ATP8B4: variants seen among roughly 807,000 people sequenced by gnomAD.
ATP8B4 encodes probable phospholipid-transporting ATPase IM.
A neutral mutation model predicts 145.6 loss-of-function variants in ATP8B4; 133 were observed. The observed-to-expected ratio is 0.91, with a 90% CI of 0.79 to 1.05. ATP8B4 has a LOEUF of 1.05. Among genes scored for constraint, ATP8B4 ranks in the 50% least tolerant of loss-of-function variants. The pLI, the probability that ATP8B4 is intolerant of heterozygous loss-of-function variation, is 0.00. For missense variants in ATP8B4, 1,458 were observed against 1,425.2 expected (o/e 1.02, Z -0.37); for synonymous variants, 507 against 492.9 (o/e 1.03, Z -0.38).
At chr15:50,001,536 A>G (rs1179723193) in intron 8 of ATP8B4, among the ~76,000 whole-genome samples, 2 of 152,228 alleles carry the variant, frequency 1.3e-5, no homozygotes, top group Non-Finnish European at 2.9e-5. Context: ...ACAATAGGGC[A>G]TAATTACATA....
At chr15:50,107,478 T>G (rs1411999222) in intron 1 of ATP8B4, among the ~76,000 whole-genome samples, 1 of 152,218 alleles carries the variant, frequency 6.6e-6, no homozygotes, top group Non-Finnish European at 1.5e-5. Context: ...TTTATTCTCA[T>G]GAACGTAGTC....
chr15:50,103,828 A>G (rs1231529092), intron 2 of ATP8B4, among the ~76,000 whole-genome samples: 2 of 152,200 alleles, frequency 1.3e-5, no homozygotes, highest in Non-Finnish European at 2.9e-5. Context: ...CCGACTTCAA[A>G]CTATACTATA....
chr15:50,133,941 C>T (rs951883717), intron 1 of ATP8B4, among the ~76,000 whole-genome samples: 1 of 151,962 alleles, frequency 6.6e-6, no homozygotes, highest in African/African-American at 2.4e-5. Flanking sequence ...TTAAGACCAG[C>T]CTGGGCACCA....
At chr15:50,089,319 A>C (rs1443705719) in intron 2 of ATP8B4, among the ~76,000 whole-genome samples, 1 of 152,210 alleles carries the variant, frequency 6.6e-6, no homozygotes, top group Non-Finnish European at 1.5e-5. Flanking sequence ...AGCAAAATAA[A>C]CTATCATCAG....
chr15:50,092,344 A>G (rs893053247), intron 2 of ATP8B4, among the ~76,000 whole-genome samples: 2 of 152,150 alleles, frequency 1.3e-5, no homozygotes, highest in African/African-American at 4.8e-5. Context: ...TACAATATCT[A>G]GCGTTCAATA....
intron 2 of ATP8B4, among the ~76,000 whole-genome samples, chr15:50,078,715 T>G (rs1275382544): frequency 6.6e-6 from 1 of 151,938 alleles, no homozygotes; most frequent in Non-Finnish European, 1.5e-5. Flanking sequence ...CTTCATAAAA[T>G]TTTGAGCTCC....
At chr15:50,112,397 G>A in intron 1 of ATP8B4, among the ~76,000 whole-genome samples, 1 of 152,058 alleles carries the variant, frequency 6.6e-6, no homozygotes, top group Non-Finnish European at 1.5e-5. Context: ...GGGTGTGGGT[G>A]CTCTCCAGTT....
At chr15:50,127,614 T>A (rs770260820) in intron 1 of ATP8B4, among the ~76,000 whole-genome samples, 1 of 152,224 alleles carries the variant, frequency 6.6e-6, no homozygotes, top group Non-Finnish European at 1.5e-5. Context: ...TCTCTGAGGA[T>A]AGCAACCTAG....
At chr15:50,026,326 A>G (rs1002138529) in intron 6 of ATP8B4, among the ~76,000 whole-genome samples, 6 of 152,286 alleles carry the variant, frequency 3.9e-5, no homozygotes, top group African/African-American at 1.4e-4. Context: ...CTCAAACTTC[A>G]ATGTACATGA....
intron 2 of ATP8B4, among the ~76,000 whole-genome samples, chr15:50,090,261 G>A (rs1166820820): frequency 1.3e-5 from 2 of 152,136 alleles, no homozygotes; most frequent in African/African-American, 2.4e-5. Context: ...GTTAATGCAT[G>A]CTGGGCTTAA....
chr15:50,034,764 G>A (rs1294370427), intron 6 of ATP8B4, among the ~76,000 whole-genome samples: 1 of 152,156 alleles, frequency 6.6e-6, no homozygotes, highest in African/African-American at 2.4e-5. Flanking sequence ...TCCAGTTTGA[G>A]GAGCGTGGGA....
intron 1 of ATP8B4, among the ~76,000 whole-genome samples, chr15:50,178,820 T>C (rs922090310): frequency 2.6e-5 from 4 of 152,226 alleles, no homozygotes; most frequent in African/African-American, 9.7e-5. Context: ...TCAGGTATAC[T>C]TTTTTAGTGC....
chr15:50,155,311 T>C (rs1183455520), intron 1 of ATP8B4, among the ~76,000 whole-genome samples: 2 of 152,122 alleles, frequency 1.3e-5, no homozygotes, highest in Non-Finnish European at 2.9e-5. Flanking sequence ...GTTGTATATG[T>C]TTATATGTTT....
chr15:49,928,892 G>GA (rs1447737275), intron 16 of ATP8B4, among the ~76,000 whole-genome samples: 1 of 152,044 alleles, frequency 6.6e-6, no homozygotes, highest in Non-Finnish European at 1.5e-5. Context: ...CATCTCTGGG[G>GA]AAAATAATGG....
intron 6 of ATP8B4, among the ~76,000 whole-genome samples, chr15:50,013,559 G>GT (rs1567198321): frequency 6.6e-6 from 1 of 151,716 alleles, no homozygotes; most frequent in Admixed American, 6.6e-5. Context: ...CTTAGAATCC[G>GT]TTTTTTTAAA....
intron 5 of ATP8B4, among the ~76,000 whole-genome samples, chr15:50,039,298 C>A (rs905798999): frequency 6.6e-6 from 1 of 152,290 alleles, no homozygotes; most frequent in South Asian, 2.1e-4. Context: ...TCTCCAGAAA[C>A]TCTAATTGTT....
intron 2 of ATP8B4, among the ~76,000 whole-genome samples, chr15:50,102,923 G>T (rs2153664853): frequency 6.6e-6 from 1 of 152,178 alleles, no homozygotes; most frequent in East Asian, 1.9e-4. Context: ...TACCAGGGAT[G>T]CAGGGATGGT....
chr15:50,041,488 C>T (rs944523126), intron 5 of ATP8B4, among the ~76,000 whole-genome samples: 1 of 152,212 alleles, frequency 6.6e-6, no homozygotes, highest in African/African-American at 2.4e-5. Context: ...AGTCATAAGA[C>T]TACCTTGTAC....
At chr15:50,085,971 G>C (rs763952017) in intron 2 of ATP8B4, among the ~76,000 whole-genome samples, 2 of 73,218 alleles carry the variant, frequency 2.7e-5, no homozygotes, top group African/African-American at 1.6e-4. Flanking sequence ...ATTTATATAT[G>C]ATATATCAAA....
Sources: gnomAD v4.1 joint callset for allele counts (sites outside exome capture counted in the v4.1 genomes callset) on GRCh38, gnomAD v4.1.1 for gene constraint, MANE v1.5 for transcripts, NCBI Gene and HGNC (gene_info 2026-07-23, HGNC 2026-07-21) for gene names.